The following SLIT3 variants were observed in gnomAD, a reference collection of about 807,000 sequenced individuals.
SLIT3 encodes the protein slit guidance ligand 3, also known as slit homolog 3 protein.
Under a neutral mutation model 184.0 loss-of-function variants are expected in SLIT3, and 68 were observed. That is an observed-to-expected ratio of 0.37 (90% CI 0.30 to 0.45). The LOEUF is 0.45. Among genes scored for constraint, SLIT3 ranks in the 20% least tolerant of loss-of-function variants. The pLI is 1.00. For missense variants in SLIT3, 1,707 were observed against 2,026.0 expected, an observed-to-expected ratio of 0.84 and a Z score of 3.02; for synonymous variants, 831 against 828.6, an observed-to-expected ratio of 1.00 and a Z score of -0.05.
intron 4 of SLIT3, among the ~76,000 whole-genome samples, chr5:169,086,193 C>A (rs1759291254): frequency 6.6e-6 from 1 of 152,184 alleles, no homozygotes; most frequent in South Asian, 2.1e-4. Flanking sequence ...GTTACATAGG[C>A]TAACCACCCC....
chr5:169,173,745 T>C (rs1561714598), intron 4 of SLIT3, among the ~76,000 whole-genome samples: 1 of 152,252 alleles, frequency 6.6e-6, no homozygotes, highest in East Asian at 1.9e-4. Context: ...AGGCCTGACT[T>C]TGGGCTTGAA....
At chr5:168,688,431 C>T (rs1761811691) in intron 29 of SLIT3, among the ~76,000 whole-genome samples, 1 of 152,162 alleles carries the variant, frequency 6.6e-6, no homozygotes, top group African/African-American at 2.4e-5. Context: ...CCTCTCCTCC[C>T]TCTCCTCTTT....
chr5:169,150,371 G>T lies in SLIT3; in HGVS notation c.413+43108C>A, dbSNP rs1397490491. On this transcript the variant is annotated intron_variant, in intron 4 of 35. Coordinates refer to ENST00000519560, the MANE Select transcript of SLIT3 (RefSeq NM_003062.4). The stretch of plus-strand genomic sequence containing the variant: ...TGAGGTTAAATACAAAATAAGATAA[G>T]GATAAAGCTGTGAGGCTGTGCAGGT... Among the ~76,000 whole-genome samples, 4 of 152,126 alleles carry T rather than the reference G, an allele frequency of 2.6e-5. No homozygotes were observed. In the East Asian group the frequency reaches 7.7e-4, roughly 29 times the overall value.
At chr5:169,214,485 G>A (rs1764370812) in intron 3 of SLIT3, among the ~76,000 whole-genome samples, 2 of 152,194 alleles carry the variant, frequency 1.3e-5, no homozygotes, top group South Asian at 4.1e-4. Context: ...AGGAGGCCAG[G>A]GTGACTGGGA....
At chr5:169,104,426 G>C (rs1439100501) in intron 4 of SLIT3, among the ~76,000 whole-genome samples, 1 of 152,160 alleles carries the variant, frequency 6.6e-6, no homozygotes, top group African/African-American at 2.4e-5. Flanking sequence ...TCTTTGCATA[G>C]GGTAATTCTG....
intron 20 of SLIT3, among the ~76,000 whole-genome samples, chr5:168,740,460 A>C (rs1031651247): frequency 6.6e-6 from 1 of 152,236 alleles, no homozygotes; most frequent in East Asian, 1.9e-4. Flanking sequence ...ATTAAACTTA[A>C]TTTTGTTTTG....
At chr5:169,219,106 C>T (rs373589088) in intron 3 of SLIT3, among the ~76,000 whole-genome samples, 6 of 152,312 alleles carry the variant, frequency 3.9e-5, no homozygotes, top group African/African-American at 1.4e-4. Flanking sequence ...ACCAGCGCTG[C>T]CGCCTTAGGA....
chr5:169,034,786 C>G (rs1757166742), intron 4 of SLIT3, among the ~76,000 whole-genome samples: 1 of 151,606 alleles, frequency 6.6e-6, no homozygotes, highest in Admixed American at 6.6e-5. Context: ...CTCTGTCACC[C>G]AGACTGGAGT....
At chr5:169,153,719 A>C (rs1182635800) in intron 4 of SLIT3, among the ~76,000 whole-genome samples, 1 of 152,262 alleles carries the variant, frequency 6.6e-6, no homozygotes, top group African/African-American at 2.4e-5. Context: ...TCTGCCTTGC[A>C]GGCCAGGACT....
intron 29 of SLIT3, among the ~76,000 whole-genome samples, chr5:168,691,396 G>C (rs1252742869): frequency 1.3e-5 from 2 of 152,204 alleles, no homozygotes; most frequent in Non-Finnish European, 2.9e-5. Flanking sequence ...TTGTTGTTTA[G>C]AATCATAGTC....
chr5:169,141,837 G>A (rs1339500599), intron 4 of SLIT3, among the ~76,000 whole-genome samples: 1 of 149,892 alleles, frequency 6.7e-6, no homozygotes, highest in Non-Finnish European at 1.5e-5. Context: ...GGATCACAAG[G>A]TCAGGAGATC....
At chr5:168,956,931 C>T (rs1217518316) in intron 4 of SLIT3, among the ~76,000 whole-genome samples, 1 of 140,214 alleles carries the variant, frequency 7.1e-6, no homozygotes, top group Non-Finnish European at 1.5e-5. Context: ...TCTCAGCCTC[C>T]ACATCCACTT....
At chr5:169,081,029 C>G (rs1007293651) in intron 4 of SLIT3, among the ~76,000 whole-genome samples, 1 of 152,190 alleles carries the variant, frequency 6.6e-6, no homozygotes, top group South Asian at 2.1e-4. Context: ...GCTGCCCCCG[C>G]CCCCCTTCCC....
intron 4 of SLIT3, among the ~76,000 whole-genome samples, chr5:169,002,207 C>T (rs1034339357): frequency 2.7e-5 from 4 of 150,242 alleles, no homozygotes; most frequent in South Asian, 2.1e-4. Context: ...CTTGTACTTC[C>T]GGCTACTAGG....
chr5:168,673,411 CT>C lies in SLIT3; in HGVS notation c.3687-81del, dbSNP rs1174514826. On this transcript the variant is annotated intron_variant, in intron 32 of 35. Transcript: ENST00000519560. The stretch of plus-strand genomic sequence containing the variant: ...CTGGGCCCTGTGCTGTGGACTTGAC[CT>C]GCATTGCTTACATTTTGTTTTACTT... The C allele has an allele frequency of 3.1e-6, 4 of 1,277,746 alleles. No individual in the cohort carries two copies. In the Admixed American group the frequency reaches 9.0e-5, roughly 29 times the overall value. 79.2% of individuals were successfully genotyped at this position (1,277,746 alleles called of 1,614,324 possible).
chr5:168,987,985 GTTCTC>G (rs1316830360), intron 4 of SLIT3, among the ~76,000 whole-genome samples: 1 of 152,176 alleles, frequency 6.6e-6, no homozygotes, highest in Non-Finnish European at 1.5e-5. Flanking sequence ...ACATTAAGGT[GTTCTC>G]TTCTAGGGAA....
chr5:169,012,497 G>A (rs1030169278), intron 4 of SLIT3: 1 of 152,208 alleles, frequency 6.6e-6, no homozygotes, highest in Non-Finnish European at 1.5e-5. Flanking sequence ...ACTTGTAAAT[G>A]TGGAGGCTCT....
chr5:168,756,815 T>C (rs1006795316), intron 16 of SLIT3, among the ~76,000 whole-genome samples: 2 of 152,106 alleles, frequency 1.3e-5, no homozygotes, highest in East Asian at 1.9e-4. Flanking sequence ...AAAATACAAG[T>C]GATGGGCAAT....
chr5:168,972,447 C>A (rs557855556), intron 4 of SLIT3, among the ~76,000 whole-genome samples: 6 of 150,966 alleles, frequency 4.0e-5, no homozygotes, highest in African/African-American at 1.5e-4. Flanking sequence ...ATGGCGGACC[C>A]TTTTCCTAGG....
Sources: allele counts gnomAD v4.1 joint callset (sites outside exome capture counted in the v4.1 genomes callset), GRCh38; gene constraint gnomAD v4.1.1; transcripts MANE v1.5; gene names NCBI Gene and HGNC (gene_info 2026-07-23, HGNC 2026-07-21).